The following FBXL20 variants were observed in gnomAD, a reference collection of about 807,000 sequenced individuals.
The protein encoded by FBXL20 is F-box and leucine rich repeat protein 20.
FBXL20 carries 11 observed loss-of-function variants against 64.0 expected under a neutral mutation model. The ratio of observed to expected loss-of-function variants is 0.17; its 90% confidence interval spans 0.11 to 0.28. The LOEUF (loss-of-function observed/expected upper bound fraction) is 0.28. Among genes scored for constraint, FBXL20 ranks in the 10% least tolerant of loss-of-function variants. FBXL20 has a pLI of 1.00. For missense variants in FBXL20, 303 were observed against 526.2 expected, an observed-to-expected ratio of 0.58 and a Z score of 4.15; for synonymous variants, 184 against 189.0, an observed-to-expected ratio of 0.97 and a Z score of 0.22.
intron 2 of FBXL20, among the ~76,000 whole-genome samples, chr17:39,304,027 T>C (rs2047160019): frequency 6.6e-6 from 1 of 150,950 alleles, no homozygotes. Flanking sequence ...ACAGACTACA[T>C]GTATATACAC....
chr17:39,359,715 TACAGAAA>T (rs2047776346), intron 1 of FBXL20, among the ~76,000 whole-genome samples: 1 of 152,184 alleles, frequency 6.6e-6, no homozygotes, highest in South Asian at 2.1e-4. Flanking sequence ...GTGTGGCTGC[TACAGAAA>T]ACGGTATGGC....
chr17:39,282,648 A>G, intron 8 of FBXL20, 81 bp downstream of exon 8: 1 of 1,576,270 alleles, frequency 6.3e-7, no homozygotes, highest in Non-Finnish European at 8.7e-7. Flanking sequence ...CCTCCAGACA[A>G]ACATCTTGGG....
rs111238372 is a variant in FBXL20, at chr17:39,303,568, A to G, written c.159+17T>C. 11 of 1,603,480 alleles carry G rather than the reference A, an allele frequency of 6.9e-6. No individual in the cohort carries two copies. In the African/African-American group the frequency reaches 9.4e-5, roughly 14 times the overall value. On this transcript the variant is annotated intron_variant, in intron 3 of 14. Transcript: ENST00000264658. ...ATGAAGAAGGGGTCCCCCTGTAACT[A>G]TGCCAACAATACTTACCCTGGAGAC...
intron 1 of FBXL20, among the ~76,000 whole-genome samples, chr17:39,393,604 T>C (rs1440741580): frequency 1.3e-5 from 2 of 152,198 alleles, no homozygotes; most frequent in African/African-American, 4.8e-5. Context: ...AGGACAAAAA[T>C]GATATATAAA....
At chr17:39,355,278 C>A (rs1363863086) in intron 1 of FBXL20, among the ~76,000 whole-genome samples, 6 of 151,828 alleles carry the variant, frequency 4.0e-5, no homozygotes, top group African/African-American at 1.2e-4. Context: ...GTAATCCCAG[C>A]ACTTTGGGAG....
chr17:39,326,545 TG>T (rs1167028095), intron 2 of FBXL20, among the ~76,000 whole-genome samples: 1 of 151,734 alleles, frequency 6.6e-6, no homozygotes, highest in Non-Finnish European at 1.5e-5. Context: ...CACCTGAGAC[TG>T]GGAATATCAA....
chr17:39,333,129 G>GCTCTCC (rs376872104), intron 2 of FBXL20, among the ~76,000 whole-genome samples: 1 of 151,792 alleles, frequency 6.6e-6, no homozygotes, highest in Non-Finnish European at 1.5e-5. Flanking sequence ...AAAAAATTCA[G>GCTCTCC]CTCTCCCTCT....
intron 2 of FBXL20, among the ~76,000 whole-genome samples, chr17:39,324,943 C>T (rs2047396551): frequency 6.6e-6 from 1 of 152,192 alleles, no homozygotes; most frequent in African/African-American, 2.4e-5. Context: ...GTGGCTCACG[C>T]CTATAATCCT....
intron 2 of FBXL20, among the ~76,000 whole-genome samples, chr17:39,309,816 A>G (rs1029095576): frequency 5.9e-5 from 9 of 151,354 alleles, no homozygotes; most frequent in African/African-American, 2.2e-4. Flanking sequence ...GAAAAGAAAA[A>G]TAAAGAAAAG....
chr17:39,360,506 C>T (rs759649522), intron 1 of FBXL20, among the ~76,000 whole-genome samples: 2 of 152,108 alleles, frequency 1.3e-5, no homozygotes, highest in Non-Finnish European at 2.9e-5. Flanking sequence ...AATTTGGTTA[C>T]GGTAGTAACA....
chr17:39,402,502 G>A, upstream of FBXL20: 1 of 310,226 alleles, frequency 3.2e-6, no homozygotes, highest in Non-Finnish European at 5.9e-6. Context: ...CAGGGCTGGA[G>A]CCGGGCAACC....
chr17:39,331,518 G>A (rs2047461220), intron 2 of FBXL20, among the ~76,000 whole-genome samples: 1 of 152,184 alleles, frequency 6.6e-6, no homozygotes, highest in Non-Finnish European at 1.5e-5. Context: ...CCCTACATGT[G>A]AGATTGCTAT....
chr17:39,380,428 G>A (rs558214072), intron 1 of FBXL20, among the ~76,000 whole-genome samples: 9 of 152,260 alleles, frequency 5.9e-5, no homozygotes, highest in African/African-American at 2.2e-4. Flanking sequence ...TGTTCTTAGA[G>A]TACATCAAGG....
intron 2 of FBXL20, among the ~76,000 whole-genome samples, chr17:39,316,096 A>C (rs2144498861): frequency 6.6e-6 from 1 of 152,238 alleles, no homozygotes. Flanking sequence ...AAAACAAAAA[A>C]ACATGAACCA....
intron 7 of FBXL20, among the ~76,000 whole-genome samples, chr17:39,285,172 G>A: frequency 6.6e-6 from 1 of 152,098 alleles, no homozygotes. Flanking sequence ...CCAAAATGCT[G>A]GGATTACAGG....
At chr17:39,380,590 T>A (rs2048012094) in intron 1 of FBXL20, among the ~76,000 whole-genome samples, 1 of 152,210 alleles carries the variant, frequency 6.6e-6, no homozygotes, top group African/African-American at 2.4e-5. Context: ...ATGTGAACCA[T>A]GCTCAGCTCC....
intron 2 of FBXL20, among the ~76,000 whole-genome samples, chr17:39,342,906 C>T (rs778961752): frequency 6.6e-6 from 1 of 151,722 alleles, no homozygotes; most frequent in African/African-American, 2.4e-5. Flanking sequence ...AAAAAACCTA[C>T]GTTACTGTAT....
intron 9 of FBXL20, among the ~76,000 whole-genome samples, chr17:39,276,172 A>C (rs1488996037): frequency 1.4e-5 from 2 of 138,646 alleles, no homozygotes; most frequent in African/African-American, 5.3e-5. Flanking sequence ...GCTTAACCCC[A>C]GGAGGAGATT....
At chr17:39,279,205 C>A (rs750016136) in intron 9 of FBXL20, among the ~76,000 whole-genome samples, 5 of 151,926 alleles carry the variant, frequency 3.3e-5, no homozygotes, top group Non-Finnish European at 7.4e-5. Context: ...CTATAGTAAT[C>A]GGAATTGTAA....
Sources: gnomAD v4.1 joint callset for allele counts (sites outside exome capture counted in the v4.1 genomes callset) on GRCh38, gnomAD v4.1.1 for gene constraint, MANE v1.5 for transcripts, NCBI Gene and HGNC (gene_info 2026-07-23, HGNC 2026-07-21) for gene names.